Variants in CADM1 observed in about 807,000 individuals in gnomAD.
CADM1 encodes the protein cell adhesion molecule 1, also known as TSLC-1.
A neutral mutation model predicts 53.1 loss-of-function variants in CADM1; 15 were observed. The observed-to-expected ratio is 0.28, with a 90% confidence interval of 0.19 to 0.44. The LOEUF is 0.44. Ranked by LOEUF, CADM1 falls within the 20% of genes least tolerant of loss-of-function variation. CADM1 has a pLI of 1.00. For synonymous variants in CADM1, 281 were observed against 243.0 expected, an observed-to-expected ratio of 1.16 and a Z score of -1.45; for missense variants, 434 against 611.3, an observed-to-expected ratio of 0.71 and a Z score of 3.06.
intron 8 of CADM1, among the ~76,000 whole-genome samples, chr11:115,199,681 G>A (rs1940329098): frequency 6.6e-6 from 1 of 152,170 alleles, no homozygotes; most frequent in Admixed American, 6.5e-5. Context: ...TTCATTTTGA[G>A]TTCTAAACTT....
At chr11:115,367,770 A>G (rs937194356) in intron 1 of CADM1, among the ~76,000 whole-genome samples, 3 of 150,596 alleles carry the variant, frequency 2.0e-5, no homozygotes, top group African/African-American at 4.9e-5. Context: ...AATTTCTTAG[A>G]AAAAAAAACA....
At chr11:115,286,977 C>T (rs531857052) in intron 1 of CADM1, among the ~76,000 whole-genome samples, 2 of 152,304 alleles carry the variant, frequency 1.3e-5, no homozygotes, top group Admixed American at 6.5e-5. Context: ...TCCCAAAATG[C>T]TGAATCATTC....
chr11:115,475,992 A>T (rs542442391), intron 1 of CADM1, among the ~76,000 whole-genome samples: 25 of 152,338 alleles, frequency 1.6e-4, no homozygotes, highest in Non-Finnish European at 3.4e-4. Context: ...TGCTAGCAAA[A>T]AGGTTCACTC....
chr11:115,261,300 A>G (rs750940865), intron 1 of CADM1, among the ~76,000 whole-genome samples: 25 of 152,234 alleles, frequency 1.6e-4, no homozygotes, highest in Non-Finnish European at 3.1e-4. Flanking sequence ...CATTTCAATT[A>G]GAGCATCTGT....
chr11:115,372,214 T>C (rs925731335), intron 1 of CADM1, among the ~76,000 whole-genome samples: 4 of 152,216 alleles, frequency 2.6e-5, no homozygotes, highest in African/African-American at 9.6e-5. Flanking sequence ...ATAAGTATTC[T>C]ATGAGCCAAA....
At chr11:115,333,444 A>G (rs1013392208) in intron 1 of CADM1, 1 of 152,180 alleles carries the variant, frequency 6.6e-6, no homozygotes, top group South Asian at 2.1e-4. Context: ...TTTCAAAACT[A>G]TAAAGCTTAT....
In CADM1 at chr11:115,402,454, C is replaced by T. The variant is rs1027166617; in HGVS notation, c.124+101817G>A. On this transcript the variant is annotated intron_variant, in intron 1 of 11. Transcript: ENST00000331581. ...AGAAGAATAGCTTGAACCCGGGAGGCGGAGGTTGCAGTGAGCCAAGATCAT... is the reference window on the plus strand; with the variant it reads ...AGAAGAATAGCTTGAACCCGGGAGGTGGAGGTTGCAGTGAGCCAAGATCAT... Among the ~76,000 whole-genome samples the T allele has an allele frequency of 5.9e-5, 9 of 152,192 alleles. 1 individual carries two copies. In the South Asian group the frequency reaches 1.2e-3, roughly 21 times the overall value.
chr11:115,193,439 T>C (rs1939992575), intron 9 of CADM1, among the ~76,000 whole-genome samples: 1 of 152,222 alleles, frequency 6.6e-6, no homozygotes, highest in Admixed American at 6.5e-5. Context: ...ATGATAGCCA[T>C]CTCTTCTGCA....
intron 1 of CADM1, among the ~76,000 whole-genome samples, chr11:115,396,188 CAT>C (rs561683983): frequency 5.3e-5 from 8 of 152,184 alleles, no homozygotes; most frequent in African/African-American, 1.9e-4. Flanking sequence ...AGGGCCTCCA[CAT>C]ATGTCTGTGA....
rs368252050 is a variant in CADM1, at chr11:115,423,642, C to A, written c.124+80629G>T. 1.1e-4 allele frequency among the ~76,000 whole-genome samples: 17 copies of A among 152,262 alleles called. No individual in the cohort carries two copies. The East Asian group carries it at 2.9e-3, about 26-fold the overall frequency. ...TATTTTATCAAGAGTCTGATGGTAA[C>A]CTCACTTTGAACCTTATTAGGTAAT... On this transcript the variant is annotated intron_variant, in intron 1 of 11. Coordinates refer to ENST00000331581, the MANE Select transcript of CADM1 (RefSeq NM_001301043.2).
At chr11:115,279,920 A>G (rs1158593577) in intron 1 of CADM1, among the ~76,000 whole-genome samples, 1 of 152,210 alleles carries the variant, frequency 6.6e-6, no homozygotes, top group Non-Finnish European at 1.5e-5. Context: ...AATTACGGCA[A>G]GCCAGTACCC....
intron 1 of CADM1, among the ~76,000 whole-genome samples, chr11:115,307,518 ATAT>A (rs906072372): frequency 1.2e-4 from 6 of 48,716 alleles, no homozygotes; most frequent in African/African-American, 5.3e-4. Flanking sequence ...GAAAAAAAAA[ATAT>A]ATATATATAT....
At chr11:115,294,468 A>G (rs1366414991) in intron 1 of CADM1, among the ~76,000 whole-genome samples, 1 of 152,104 alleles carries the variant, frequency 6.6e-6, no homozygotes, top group Non-Finnish European at 1.5e-5. Flanking sequence ...TCTAGTATTT[A>G]ATACTGTGCT....
chr11:115,378,623 G>A (rs879346991), intron 1 of CADM1, among the ~76,000 whole-genome samples: 1 of 152,166 alleles, frequency 6.6e-6, no homozygotes, highest in Non-Finnish European at 1.5e-5. Flanking sequence ...TGCTTTTGTA[G>A]AGCCTGGAAG....
At chr11:115,408,148 T>C (rs549844515) in intron 1 of CADM1, among the ~76,000 whole-genome samples, 44 of 152,216 alleles carry the variant, frequency 2.9e-4, no homozygotes, top group African/African-American at 1.0e-3. Context: ...AGGTGGTAAA[T>C]GTTGGTATTG....
At chr11:115,331,316 G>T (rs1945122851) in intron 1 of CADM1, among the ~76,000 whole-genome samples, 1 of 152,132 alleles carries the variant, frequency 6.6e-6, no homozygotes, top group Non-Finnish European at 1.5e-5. Flanking sequence ...TCTAAACAAT[G>T]AGTGTTTTTA....
intron 1 of CADM1, among the ~76,000 whole-genome samples, chr11:115,426,226 A>G (rs1947887878): frequency 1.3e-5 from 2 of 152,234 alleles, no homozygotes; most frequent in South Asian, 2.1e-4. Flanking sequence ...GAAAAATGTT[A>G]TATCGCCTCT....
intron 1 of CADM1, among the ~76,000 whole-genome samples, chr11:115,434,646 G>A (rs1343111754): frequency 2.0e-5 from 3 of 152,014 alleles, no homozygotes; most frequent in Non-Finnish European, 2.9e-5. Context: ...CAGCGTCAGG[G>A]TGTAGTAGGC....
intron 1 of CADM1, among the ~76,000 whole-genome samples, chr11:115,403,228 G>A (rs1316235010): frequency 6.6e-6 from 1 of 152,020 alleles, no homozygotes; most frequent in African/African-American, 2.4e-5. Flanking sequence ...CCAAACTGAG[G>A]GACATTCTTC....
Sources: allele counts gnomAD v4.1 joint callset (sites outside exome capture counted in the v4.1 genomes callset), GRCh38; gene constraint gnomAD v4.1.1; transcripts MANE v1.5; gene names NCBI Gene and HGNC (gene_info 2026-07-23, HGNC 2026-07-21).